ANKRD44: variants seen among roughly 807,000 people sequenced by gnomAD.
ANKRD44 encodes ankyrin repeat domain 44, also known as serine/threonine-protein phosphatase 6 regulatory ankyrin repeat subunit B.
Under a neutral mutation model 116.0 loss-of-function variants are expected in ANKRD44, and 35 were observed. That is an observed-to-expected ratio of 0.30 (90% CI 0.23 to 0.40). ANKRD44 has a LOEUF of 0.40. ANKRD44 is among the 10% of genes least tolerant of loss of function. The pLI is 1.00. For synonymous variants in ANKRD44, 435 were observed against 461.8 expected (o/e 0.94, Z 0.74); for missense variants, 1,014 against 1,242.6 (o/e 0.82, Z 2.77).
chr2:197,240,329 C>T (rs1472306536), intron 1 of ANKRD44, among the ~76,000 whole-genome samples: 2 of 145,822 alleles, frequency 1.4e-5, no homozygotes, highest in African/African-American at 2.6e-5. Flanking sequence ...GAGCCAAGAT[C>T]GCACCACTGC....
intron 13 of ANKRD44, among the ~76,000 whole-genome samples, chr2:197,083,876 A>AAAGACAGTGG (rs1484663579): frequency 4.6e-5 from 7 of 152,164 alleles, no homozygotes; most frequent in Non-Finnish European, 8.8e-5. Context: ...GTGAGGCTAC[A>AAAGACAGTGG]AAGACAGTGG....
chr2:197,158,476 A>T lies in ANKRD44; in HGVS notation c.112-11371T>A, dbSNP rs74695557. On this transcript the variant is annotated intron_variant, in intron 2 of 27. Coordinates refer to ENST00000282272, the MANE Select transcript of ANKRD44 (RefSeq NM_001195144.2). The stretch of plus-strand genomic sequence containing the variant: ...ATTCATTAACCAATTTATTAAACAA[A>T]CATAGATTAATGAGAGGCAGATAAC... Among the ~76,000 whole-genome samples the T allele has an allele frequency of 3.9e-5, 6 of 152,330 alleles. No individual in the cohort carries two copies. The East Asian group carries it at 9.6e-4, about 24-fold the overall frequency.
chr2:197,163,884 C>T (rs1208209422), intron 2 of ANKRD44, among the ~76,000 whole-genome samples: 1 of 152,178 alleles, frequency 6.6e-6, no homozygotes, highest in Non-Finnish European at 1.5e-5. Context: ...CGCCTCGGCC[C>T]TCCAAAGTGC....
At chr2:197,285,682 T>C (rs1047797490) in intron 1 of ANKRD44, among the ~76,000 whole-genome samples, 2 of 152,230 alleles carry the variant, frequency 1.3e-5, no homozygotes, top group Non-Finnish European at 2.9e-5. Context: ...ATCTCAGGCA[T>C]GCCCCCAGTC....
chr2:197,208,113 T>A (rs1339037736), intron 1 of ANKRD44, among the ~76,000 whole-genome samples: 1 of 152,046 alleles, frequency 6.6e-6, no homozygotes, highest in Non-Finnish European at 1.5e-5. Flanking sequence ...CAAAGAGAGG[T>A]CTGAGATTTG....
chr2:197,102,038 T>G lies in ANKRD44; in HGVS notation c.986-2108A>C, dbSNP rs189804093. ...TCATTAGTTTTAGTTTATGCTTCTG[T>G]GTTTCGCTTTGCAAAAAAAAACAAA... On this transcript the variant is annotated intron_variant, in intron 9 of 27. Transcript: ENST00000282272. Among the ~76,000 whole-genome samples the G allele has an allele frequency of 6.4e-3, 975 of 152,030 alleles. 6 individuals are homozygous for G. The highest frequency in any genetic ancestry group is 0.013 in the South Asian group (64 of 4,810).
Position 197,052,760 on chromosome 2 carries a change from C to T in ANKRD44, c.1650+25943G>A, listed in dbSNP as rs565923378. Among the ~76,000 whole-genome samples, 29 of 152,310 alleles carry T rather than the reference C, an allele frequency of 1.9e-4. No homozygotes were observed. In the East Asian group the frequency reaches 4.2e-3, roughly 22 times the overall value. On this transcript the variant is annotated intron_variant, in intron 16 of 27. Transcript: ENST00000282272. ...TCGTCTCTTTTAGCCAAGCTCTAAA[C>T]AAAATATTCCTTGTGCTGAAGTTTA... is the stretch of plus-strand genomic sequence containing the variant.
At chr2:197,204,697 C>T (rs1380896856) in intron 1 of ANKRD44, among the ~76,000 whole-genome samples, 2 of 152,142 alleles carry the variant, frequency 1.3e-5, no homozygotes, top group Non-Finnish European at 2.9e-5. Flanking sequence ...CACCACAGGC[C>T]AAACAAAACA....
intron 16 of ANKRD44, among the ~76,000 whole-genome samples, chr2:197,064,445 A>T (rs2077387334): frequency 6.6e-6 from 1 of 152,236 alleles, no homozygotes; most frequent in African/African-American, 2.4e-5. Context: ...AAATTCACAC[A>T]TAACAATATT....
intron 21 of ANKRD44, among the ~76,000 whole-genome samples, chr2:197,004,239 T>C (rs1487733507): frequency 6.6e-6 from 1 of 152,210 alleles, no homozygotes; most frequent in Non-Finnish European, 1.5e-5. Flanking sequence ...GCTGCCATTG[T>C]AGTTATTCAA....
intron 1 of ANKRD44, among the ~76,000 whole-genome samples, chr2:197,191,449 T>C (rs2080819790): frequency 6.6e-6 from 1 of 152,206 alleles, no homozygotes; most frequent in South Asian, 2.1e-4. Flanking sequence ...AACTGAAATC[T>C]AATCAGCCGA....
intron 2 of ANKRD44, among the ~76,000 whole-genome samples, chr2:197,156,202 C>T (rs977104458): frequency 4.6e-5 from 7 of 152,032 alleles, no homozygotes; most frequent in Admixed American, 2.6e-4. Context: ...AAAAATTAGC[C>T]GGGCGTGGTG....
intron 1 of ANKRD44, among the ~76,000 whole-genome samples, chr2:197,225,973 T>A (rs1396362989): frequency 6.6e-6 from 1 of 152,208 alleles, no homozygotes; most frequent in East Asian, 1.9e-4. Flanking sequence ...TCTCTATGCA[T>A]CTTTCTCCCA....
At chr2:196,999,809 G>A (rs1207760425) in intron 23 of ANKRD44, among the ~76,000 whole-genome samples, 3 of 151,886 alleles carry the variant, frequency 2.0e-5, no homozygotes, top group African/African-American at 4.8e-5. Context: ...TAGCTAGGAC[G>A]GTCTCTATCT....
intron 1 of ANKRD44, among the ~76,000 whole-genome samples, chr2:197,192,601 G>C (rs972179457): frequency 6.6e-6 from 1 of 152,186 alleles, no homozygotes; most frequent in African/African-American, 2.4e-5. Context: ...CACTTCGTTA[G>C]GTAACAACTG....
intron 9 of ANKRD44, among the ~76,000 whole-genome samples, chr2:197,108,865 C>CAAAAAAA (rs1374709755): frequency 7.1e-6 from 1 of 140,640 alleles, no homozygotes; most frequent in African/African-American, 3.3e-5. Flanking sequence ...ACAACAACAA[C>CAAAAAAA]AACAACAAAA....
intron 18 of ANKRD44, among the ~76,000 whole-genome samples, chr2:197,013,284 C>A (rs776714173): frequency 6.6e-6 from 1 of 152,190 alleles, no homozygotes; most frequent in Non-Finnish European, 1.5e-5. Context: ...GCCAAAAGTT[C>A]TGAACTCTCT....
intron 2 of ANKRD44, among the ~76,000 whole-genome samples, chr2:197,149,759 G>A (rs1410466662): frequency 1.3e-5 from 2 of 152,176 alleles, no homozygotes; most frequent in African/African-American, 4.8e-5. Context: ...ATGAGTCAAA[G>A]CGTGAATGAC....
intron 1 of ANKRD44, among the ~76,000 whole-genome samples, chr2:197,252,984 C>T (rs2082356046): frequency 1.3e-5 from 2 of 152,170 alleles, no homozygotes; most frequent in Admixed American, 1.3e-4. Context: ...GCACAGATCA[C>T]GTGGCATCCA....
Sources: gnomAD v4.1 joint callset for allele counts (sites outside exome capture counted in the v4.1 genomes callset) on GRCh38, gnomAD v4.1.1 for gene constraint, MANE v1.5 for transcripts, NCBI Gene and HGNC (gene_info 2026-07-23, HGNC 2026-07-21) for gene names.